ARHGAP10: variants seen among roughly 807,000 people sequenced by gnomAD.
The protein encoded by ARHGAP10 is Rho GTPase activating protein 10.
Under a neutral mutation model 108.6 loss-of-function variants are expected in ARHGAP10, and 87 were observed. That is an observed-to-expected ratio of 0.80 (90% CI 0.67 to 0.96). The LOEUF (loss-of-function observed/expected upper bound fraction) is 0.96, where lower values mean the gene tolerates loss of function less well. Ranked by LOEUF, ARHGAP10 falls within the 40% of genes least tolerant of loss-of-function variation. ARHGAP10 has a pLI of 0.00. For missense variants in ARHGAP10, 939 were observed against 954.5 expected (o/e 0.98, Z 0.21); for synonymous variants, 347 against 341.1 (o/e 1.02, Z -0.19).
At chr4:147,889,862 G>A (rs1004183582) in intron 10 of ARHGAP10, among the ~76,000 whole-genome samples, 1 of 152,138 alleles carries the variant, frequency 6.6e-6, no homozygotes, top group Non-Finnish European at 1.5e-5. Context: ...TTGGTTGCAT[G>A]TAACAGAAAA....
chr4:147,966,589 C>CT, intron 17 of ARHGAP10, 91 bp from the exon 18 acceptor site: 2 of 1,257,952 alleles, frequency 1.6e-6, no homozygotes, highest in Non-Finnish European at 2.1e-6. Context: ...TGACCCCTTG[C>CT]TTTTAAGGAA....
chr4:147,772,476 G>A (rs566650930), intron 1 of ARHGAP10, among the ~76,000 whole-genome samples: 2 of 152,344 alleles, frequency 1.3e-5, no homozygotes, highest in South Asian at 4.1e-4. Context: ...AGCAACATGA[G>A]AAAAATGAGT....
chr4:148,025,498 G>A (rs57423070), intron 19 of ARHGAP10, among the ~76,000 whole-genome samples: 1,931 of 151,308 alleles, frequency 0.013, 40 homozygotes, highest in African/African-American at 0.044. Flanking sequence ...TCAGTTTTTT[G>A]TAGTTAAGTT....
intron 10 of ARHGAP10, among the ~76,000 whole-genome samples, chr4:147,905,482 A>T (rs1254732484): frequency 8.0e-6 from 1 of 124,848 alleles, no homozygotes; most frequent in Non-Finnish European, 1.7e-5. Context: ...CCATTTATTA[A>T]ATAGGGAATC....
chr4:147,860,347 C>G (rs946775834), intron 5 of ARHGAP10, among the ~76,000 whole-genome samples: 2 of 152,150 alleles, frequency 1.3e-5, no homozygotes, highest in Admixed American at 6.5e-5. Flanking sequence ...GAGGCTGAGG[C>G]AGGAGAATGG....
At chr4:147,758,263 CAAA>C (rs754776146) in intron 1 of ARHGAP10, among the ~76,000 whole-genome samples, 3 of 89,106 alleles carry the variant, frequency 3.4e-5, no homozygotes, top group Admixed American at 2.3e-4. Flanking sequence ...AACTTCATCT[CAAA>C]AAAAAAAAAA....
At chr4:148,055,414 C>T (rs890297077) in intron 20 of ARHGAP10, among the ~76,000 whole-genome samples, 1 of 152,176 alleles carries the variant, frequency 6.6e-6, no homozygotes, top group Non-Finnish European at 1.5e-5. Flanking sequence ...CTCAGCTGGG[C>T]GCGGTGGCAT....
At chr4:147,909,625 C>T in intron 11 of ARHGAP10, 107 bp from the exon 12 acceptor site, 1 of 933,172 alleles carries the variant, frequency 1.1e-6, no homozygotes, top group Non-Finnish European at 1.6e-6. Flanking sequence ...TAACCAGAAT[C>T]AAGCTTATAA....
intron 19 of ARHGAP10, among the ~76,000 whole-genome samples, chr4:148,037,943 A>G (rs1728455484): frequency 6.6e-6 from 1 of 152,072 alleles, no homozygotes; most frequent in Non-Finnish European, 1.5e-5. Flanking sequence ...GCTTTTCACC[A>G]GCTCCTAGAC....
At chr4:147,847,295 T>C (rs1368244695) in intron 4 of ARHGAP10, 73 bp downstream of exon 4, 1 of 1,378,254 alleles carries the variant, frequency 7.3e-7, no homozygotes, top group South Asian at 1.2e-5. Context: ...TTATTCACAT[T>C]TGGCAGCTTT....
intron 10 of ARHGAP10, among the ~76,000 whole-genome samples, chr4:147,886,911 C>A (rs993512343): frequency 2.6e-5 from 4 of 152,154 alleles, no homozygotes; most frequent in Admixed American, 6.5e-5. Flanking sequence ...GCTGGGACTA[C>A]AAGTGTGTGC....
At chr4:147,993,534 G>A (rs1245548123) in intron 18 of ARHGAP10, among the ~76,000 whole-genome samples, 1 of 152,188 alleles carries the variant, frequency 6.6e-6, no homozygotes, top group Non-Finnish European at 1.5e-5. Context: ...AGCATGTCAT[G>A]CTTTCTAGAA....
At chr4:147,844,302 A>G (rs1733545757) in intron 3 of ARHGAP10, among the ~76,000 whole-genome samples, 1 of 152,212 alleles carries the variant, frequency 6.6e-6, no homozygotes, top group Non-Finnish European at 1.5e-5. Context: ...AAAATAGGGT[A>G]TCCATCCGTT....
intron 19 of ARHGAP10, among the ~76,000 whole-genome samples, chr4:148,029,338 C>T (rs1187853573): frequency 4.6e-5 from 7 of 152,190 alleles, no homozygotes; most frequent in African/African-American, 1.7e-4. Flanking sequence ...CCAAGGATAG[C>T]TCACATTCAC....
At chr4:147,906,818 T>A (rs1352325750) in intron 11 of ARHGAP10, 99 bp downstream of exon 11, 3 of 1,457,892 alleles carry the variant, frequency 2.1e-6, no homozygotes, top group Non-Finnish European at 2.9e-6. Flanking sequence ...AAAAGTTCCC[T>A]TCTATAACAG....
At chr4:147,860,317 C>A (rs935319610) in intron 5 of ARHGAP10, among the ~76,000 whole-genome samples, 2 of 152,172 alleles carry the variant, frequency 1.3e-5, no homozygotes, top group Non-Finnish European at 2.9e-5. Flanking sequence ...TGGCAGGTGC[C>A]TGCAGTCCCA....
Position 147,796,413 on chromosome 4 carries a change from G to C in ARHGAP10, c.155-26314G>C, listed in dbSNP as rs561270715. Among the ~76,000 whole-genome samples the C allele has an allele frequency of 6.6e-5, 10 of 152,164 alleles. No individual in the cohort carries two copies. In the East Asian group the frequency reaches 1.9e-3, roughly 29 times the overall value. On this transcript the variant is annotated intron_variant, in intron 1 of 22. Coordinates refer to ENST00000336498, the MANE Select transcript of ARHGAP10 (RefSeq NM_024605.4). Reference sequence around the variant, plus strand: ...GAGACACCTGGGAGGTTGGGAGGAGGGCCCTCCTGGAAGAGACAACAACGG... The same window carrying C: ...GAGACACCTGGGAGGTTGGGAGGAGCGCCCTCCTGGAAGAGACAACAACGG...
chr4:148,030,001 C>G (rs1038094939), intron 19 of ARHGAP10, among the ~76,000 whole-genome samples: 12 of 151,806 alleles, frequency 7.9e-5, no homozygotes, highest in South Asian at 2.1e-4. Context: ...GCATCCCCCC[C>G]CCCACCAACC....
chr4:147,781,054 A>G (rs934968202), intron 1 of ARHGAP10, among the ~76,000 whole-genome samples: 3 of 152,080 alleles, frequency 2.0e-5, no homozygotes, highest in Non-Finnish European at 4.4e-5. Context: ...ACTGTTAGTG[A>G]CCTAACCTAG....
Sources: allele counts gnomAD v4.1 joint callset (sites outside exome capture counted in the v4.1 genomes callset), GRCh38; gene constraint gnomAD v4.1.1; transcripts MANE v1.5; gene names NCBI Gene and HGNC (gene_info 2026-07-23, HGNC 2026-07-21).